PCSK5: variants seen among roughly 807,000 people sequenced by gnomAD.
PCSK5 encodes prohormone convertase 5.
Under a neutral mutation model 233.2 loss-of-function variants are expected in PCSK5, and 129 were observed. That is an observed-to-expected ratio of 0.55 (90% CI 0.48 to 0.64). The LOEUF (loss-of-function observed/expected upper bound fraction) is 0.64. PCSK5 is among the 30% of genes least tolerant of loss of function. The pLI is 0.00. For synonymous variants in PCSK5, 825 were observed against 879.2 expected (o/e 0.94, Z 1.09); for missense variants, 2,076 against 2,430.1 (o/e 0.85, Z 3.06).
intron 24 of PCSK5, among the ~76,000 whole-genome samples, chr9:76,290,223 G>C (rs1828235723): frequency 6.6e-6 from 1 of 152,144 alleles, no homozygotes; most frequent in Non-Finnish European, 1.5e-5. Flanking sequence ...ACTAGTCCAG[G>C]GGAACCACTG....
intron 2 of PCSK5, among the ~76,000 whole-genome samples, chr9:75,968,392 C>T (rs1223952570): frequency 1.3e-5 from 2 of 152,208 alleles, no homozygotes; most frequent in Admixed American, 6.5e-5. Context: ...ACATGTATTG[C>T]ACATCCGTTA....
At chr9:76,249,480 T>G (rs1490354536) in intron 24 of PCSK5, among the ~76,000 whole-genome samples, 4 of 152,186 alleles carry the variant, frequency 2.6e-5, no homozygotes, top group African/African-American at 9.6e-5. Context: ...TTATTTTTAT[T>G]TTGAGACAGT....
At chr9:75,901,953 C>T (rs111556416) in intron 1 of PCSK5, among the ~76,000 whole-genome samples, 21,438 of 152,050 alleles carry the variant, frequency 0.14, 1,612 homozygotes, top group Admixed American at 0.18. Context: ...TGGTGGCTCA[C>T]GCCTGTAATC....
chr9:76,040,351 C>G lies in PCSK5; in HGVS notation c.632+13314C>G, dbSNP rs1009394024. On this transcript the variant is annotated intron_variant, in intron 5 of 37. Coordinates refer to ENST00000674117, the MANE Select transcript of PCSK5 (RefSeq NM_001372043.1). ...TCTCTCTCTCTCTCTCTCTCTCTCT[C>G]TCTCTCTCTCTCTCTCTCTCTCTCT... 1.8e-3 allele frequency among the ~76,000 whole-genome samples: 103 copies of G among 57,236 alleles called. 3 individuals carry two copies. The South Asian group carries it at 0.026, about 15-fold the overall frequency. The allele number at this position is 57,236 out of a possible 152,430, so 37.5% of individuals were successfully genotyped here. A position where few individuals can be genotyped will look rare whatever the true frequency, so the allele number is the denominator to read the frequency against.
chr9:75,932,506 G>A, intron 2 of PCSK5, 23 bp downstream of exon 2: 3 of 1,363,552 alleles, frequency 2.2e-6, no homozygotes, highest in Non-Finnish European at 3.2e-6. Context: ...AGTTGCGTGG[G>A]GACCAAGAGG....
chr9:76,205,480 T>C (rs1054572499), intron 20 of PCSK5, among the ~76,000 whole-genome samples: 1 of 152,198 alleles, frequency 6.6e-6, no homozygotes, highest in South Asian at 2.1e-4. Context: ...CCAGCAGAAC[T>C]TGGAGGCCTG....
In PCSK5 at chr9:76,023,731, C is replaced by T. The variant is rs376749991; in HGVS notation, c.412-7C>T. ...AGTAATCTTGCAGCATGCTCTTCTT[C>T]TTTCAGCACTGCAGTGACAATACAC... is the stretch of plus-strand genomic sequence containing the variant. On this transcript the variant is annotated splice_polypyrimidine_tract_variant and splice_region_variant and intron_variant, in intron 3 of 37. Coordinates refer to ENST00000674117, the MANE Select transcript of PCSK5 (RefSeq NM_001372043.1). 13 of 1,597,538 alleles carry T rather than the reference C, an allele frequency of 8.1e-6. No homozygotes were observed. The highest frequency in any genetic ancestry group is 1.1e-5 in the Non-Finnish European group (13 of 1,173,720).
intron 35 of PCSK5, among the ~76,000 whole-genome samples, chr9:76,339,148 C>T (rs1195870199): frequency 6.6e-6 from 1 of 151,876 alleles, no homozygotes; most frequent in Non-Finnish European, 1.5e-5. Flanking sequence ...AGAGTGATTG[C>T]CTTAAAATTC....
chr9:76,053,891 A>G (rs1442588364), intron 5 of PCSK5, among the ~76,000 whole-genome samples: 3 of 152,180 alleles, frequency 2.0e-5, no homozygotes, highest in South Asian at 2.1e-4. Flanking sequence ...CCCAGTACCA[A>G]TTTACTGTGT....
chr9:75,969,860 A>G (rs1587437367), intron 2 of PCSK5, among the ~76,000 whole-genome samples: 1 of 145,870 alleles, frequency 6.9e-6, no homozygotes, highest in African/African-American at 2.5e-5. Context: ...GGTTCCTTGG[A>G]CTCCAGAAAT....
intron 5 of PCSK5, among the ~76,000 whole-genome samples, chr9:76,046,178 T>TTTTTTTTTTTTTTTTTTG (rs1563993035): frequency 3.3e-5 from 4 of 120,368 alleles, no homozygotes; most frequent in Non-Finnish European, 5.2e-5. Context: ...TTTTTTTTTT[T>TTTTTTTTTTTTTTTTTTG]TTTTTTTTTT....
In PCSK5 at chr9:76,351,528, GA is replaced by G. The variant is rs1164596217; in HGVS notation, c.5067+603del. 1.4e-3 allele frequency among the ~76,000 whole-genome samples: 171 copies of G among 120,594 alleles called. 5 individuals are homozygous for G. Among genetic ancestry groups the G allele is most frequent in the African/African-American group, 3.0e-3 (97 of 32,816 alleles). The allele number at this position is 120,594 out of a possible 152,430, so 79.1% of individuals were successfully genotyped here. A position where few individuals can be genotyped will look rare whatever the true frequency, so the allele number is the denominator to read the frequency against. On this transcript the variant is annotated intron_variant, in intron 36 of 37. Transcript: ENST00000674117. ...AGAAAGAAAGAAAGAAAGAAAGAAA[GA>G]AAGGAAGGAAAGAAAGAGAAAGAAG...
At chr9:76,043,761 A>G (rs1829238691) in intron 5 of PCSK5, among the ~76,000 whole-genome samples, 2 of 152,188 alleles carry the variant, frequency 1.3e-5, no homozygotes, top group African/African-American at 2.4e-5. Flanking sequence ...TGGTAGAGAC[A>G]GTGCTTCACC....
At chr9:76,174,281 T>C (rs1355913529) in intron 13 of PCSK5, among the ~76,000 whole-genome samples, 1 of 152,044 alleles carries the variant, frequency 6.6e-6, no homozygotes, top group Non-Finnish European at 1.5e-5. Flanking sequence ...TGTCTACTTA[T>C]TAACAAGTCA....
At chr9:76,090,321 G>C (rs1000283949) in intron 7 of PCSK5, among the ~76,000 whole-genome samples, 4 of 150,926 alleles carry the variant, frequency 2.7e-5, no homozygotes, top group African/African-American at 9.8e-5. Flanking sequence ...CATATGTTTT[G>C]GTTTCTGGAT....
chr9:76,037,369 G>GTTTT (rs1053888223), intron 5 of PCSK5, among the ~76,000 whole-genome samples: 3 of 152,264 alleles, frequency 2.0e-5, no homozygotes, highest in African/African-American at 7.2e-5. Flanking sequence ...TTGTTTGTTT[G>GTTTT]TTTAATTAAA....
chr9:75,910,752 C>G (rs543667304), intron 1 of PCSK5, among the ~76,000 whole-genome samples: 7 of 152,232 alleles, frequency 4.6e-5, no homozygotes, highest in African/African-American at 1.2e-4. Context: ...CGCTGAGGGC[C>G]ACATTGTGCT....
intron 28 of PCSK5, 55 bp downstream of exon 28, chr9:76,302,272 T>C: frequency 1.2e-6 from 1 of 813,162 alleles, no homozygotes; most frequent in Non-Finnish European, 1.8e-6. Context: ...TCTCTGGAGA[T>C]GGTCTCCGTG....
At chr9:75,949,183 A>C (rs1280556938) in intron 2 of PCSK5, among the ~76,000 whole-genome samples, 1 of 151,590 alleles carries the variant, frequency 6.6e-6, no homozygotes, top group Non-Finnish European at 1.5e-5. Flanking sequence ...TTTGTTGCTT[A>C]TCTGAAATTT....
Sources: allele counts gnomAD v4.1 joint callset (sites outside exome capture counted in the v4.1 genomes callset), GRCh38; gene constraint gnomAD v4.1.1; transcripts MANE v1.5; gene names NCBI Gene and HGNC (gene_info 2026-07-23, HGNC 2026-07-21).